PIP5K1B: variants seen among roughly 807,000 people sequenced by gnomAD.
The protein encoded by PIP5K1B is phosphatidylinositol 4-phosphate 5-kinase type-1 beta.
A neutral mutation model predicts 67.0 loss-of-function variants in PIP5K1B; 42 were observed. That is an observed-to-expected ratio of 0.63 (90% CI 0.49 to 0.81). PIP5K1B has a LOEUF of 0.81. Among genes scored for constraint, PIP5K1B ranks in the 30% least tolerant of loss-of-function variants. The probability of loss-of-function intolerance (pLI) is 0.00; values close to 1 mark genes in which losing one functional copy is unlikely to be tolerated. For synonymous variants in PIP5K1B, 214 were observed against 231.4 expected (o/e 0.92, Z 0.68); for missense variants, 459 against 646.3 (o/e 0.71, Z 3.14).
intron 5 of PIP5K1B, among the ~76,000 whole-genome samples, chr9:68,866,786 G>A (rs1823380044): frequency 6.6e-6 from 1 of 152,188 alleles, no homozygotes; most frequent in Non-Finnish European, 1.5e-5. Context: ...GGAATGTTCT[G>A]TGTGACTGAA....
At chr9:68,758,894 G>T (rs183029537) in intron 2 of PIP5K1B, among the ~76,000 whole-genome samples, 130 of 152,212 alleles carry the variant, frequency 8.5e-4, no homozygotes, top group Non-Finnish European at 1.4e-3. Context: ...GAGAAACAAT[G>T]ATTTGAATGA....
At chr9:68,958,693 G>C (rs1164105371) in intron 14 of PIP5K1B, among the ~76,000 whole-genome samples, 3 of 152,160 alleles carry the variant, frequency 2.0e-5, no homozygotes, top group African/African-American at 7.2e-5. Flanking sequence ...GGGCTCTGTG[G>C]AATGTTGCAT....
chr9:68,945,409 G>C (rs1275383725), intron 14 of PIP5K1B, among the ~76,000 whole-genome samples: 1 of 152,204 alleles, frequency 6.6e-6, no homozygotes, highest in African/African-American at 2.4e-5. Context: ...GCCTCCCAAA[G>C]TGCAGGGATT....
chr9:68,765,394 G>A (rs1271600799), intron 2 of PIP5K1B, among the ~76,000 whole-genome samples: 1 of 151,948 alleles, frequency 6.6e-6, no homozygotes. Context: ...TGAATTCTGT[G>A]TTCTAGCAAA....
At chr9:68,772,407 C>G (rs1830710239) in intron 2 of PIP5K1B, among the ~76,000 whole-genome samples, 1 of 152,150 alleles carries the variant, frequency 6.6e-6, no homozygotes, top group Non-Finnish European at 1.5e-5. Flanking sequence ...GACATGACAG[C>G]AGTAATTCAA....
chr9:68,988,444 GTTT>G (rs61373302), intron 14 of PIP5K1B, among the ~76,000 whole-genome samples: 102 of 109,996 alleles, frequency 9.3e-4, no homozygotes, highest in African/African-American at 3.2e-3. Context: ...TTTTTTTGGG[GTTT>G]TTTTTTTTTT....
chr9:68,773,127 C>T (rs1480048801), intron 2 of PIP5K1B, among the ~76,000 whole-genome samples: 1 of 152,162 alleles, frequency 6.6e-6, no homozygotes, highest in East Asian at 1.9e-4. Context: ...TTAAGATTCC[C>T]AAACACCCAC....
At chr9:68,979,771 G>A (rs1829808354) in intron 14 of PIP5K1B, among the ~76,000 whole-genome samples, 5 of 152,192 alleles carry the variant, frequency 3.3e-5, no homozygotes, top group East Asian at 1.9e-4. Context: ...TGCTCACTGC[G>A]GGGAGGGGAG....
At chr9:68,956,924 C>T (rs1023273420) in intron 14 of PIP5K1B, among the ~76,000 whole-genome samples, 3 of 152,068 alleles carry the variant, frequency 2.0e-5, no homozygotes, top group African/African-American at 7.2e-5. Context: ...TCTGTGTTCC[C>T]CAGAGGGCAG....
intron 14 of PIP5K1B, chr9:68,966,575 G>A (rs1829043795): frequency 6.6e-6 from 1 of 152,162 alleles, no homozygotes; most frequent in Admixed American, 6.6e-5. Context: ...CTTCAGAACT[G>A]TCAAGGTCAT....
At chr9:68,889,256 G>A in intron 7 of PIP5K1B, 123 bp downstream of exon 7, 1 of 695,462 alleles carries the variant, frequency 1.4e-6, no homozygotes, top group Non-Finnish European at 2.4e-6. Flanking sequence ...GCTTTATTCT[G>A]CATTTAAATT....
At chr9:68,956,964 A>G (rs1828429670) in intron 14 of PIP5K1B, among the ~76,000 whole-genome samples, 1 of 152,166 alleles carries the variant, frequency 6.6e-6, no homozygotes, top group African/African-American at 2.4e-5. Context: ...TGTGATTGTC[A>G]TGACACAAAA....
At position 69,008,583 on chromosome 9, in the gene PIP5K1B, T is replaced by A; in HGVS notation, c.*134T>A. On this transcript the variant is annotated 3_prime_UTR_variant, in exon 16 of 16. Coordinates refer to ENST00000265382, the MANE Select transcript of PIP5K1B (RefSeq NM_003558.4). Reference sequence around the variant, plus strand: ...ACACAGAGAAATCATCAACCTGACTTAAGAGTTTTCAAGATGTCAACTTCA... The same window carrying A: ...ACACAGAGAAATCATCAACCTGACTAAAGAGTTTTCAAGATGTCAACTTCA... 1 of 862,166 alleles carries A rather than the reference T, an allele frequency of 1.2e-6. No individual in the cohort carries two copies. Among genetic ancestry groups the A allele is most frequent in the Non-Finnish European group, 2.0e-6 (1 of 506,832 alleles). 53.4% of individuals were successfully genotyped at this position (862,166 alleles called of 1,614,324 possible).
At chr9:68,725,631 TC>T (rs1427924487) in intron 1 of PIP5K1B, among the ~76,000 whole-genome samples, 3 of 152,144 alleles carry the variant, frequency 2.0e-5, no homozygotes, top group African/African-American at 7.2e-5. Flanking sequence ...TGATTAGAGT[TC>T]CAGAATTTAA....
chr9:68,805,689 G>A (rs769674666), intron 2 of PIP5K1B, among the ~76,000 whole-genome samples: 4 of 152,280 alleles, frequency 2.6e-5, no homozygotes, highest in Admixed American at 6.5e-5. Flanking sequence ...TCACATTAGG[G>A]TGTGGCTCTC....
At chr9:68,859,044 T>C (rs1822922862) in intron 4 of PIP5K1B, among the ~76,000 whole-genome samples, 2 of 152,224 alleles carry the variant, frequency 1.3e-5, no homozygotes, top group Non-Finnish European at 1.5e-5. Context: ...AAAGCAAAAT[T>C]GTAGAATGCC....
At chr9:68,784,200 A>G (rs1831476274) in intron 2 of PIP5K1B, 1 of 167,128 alleles carries the variant, frequency 6.0e-6, no homozygotes, top group Non-Finnish European at 1.5e-5. Context: ...TATTCTGTAG[A>G]CTGTAAGGGC....
chr9:68,862,324 T>C (rs909599455), intron 4 of PIP5K1B, among the ~76,000 whole-genome samples: 1 of 152,164 alleles, frequency 6.6e-6, no homozygotes, highest in Non-Finnish European at 1.5e-5. Flanking sequence ...CCCAATTGAT[T>C]GAAAAGAATC....
chr9:68,766,199 A>G (rs1830419020), intron 2 of PIP5K1B, among the ~76,000 whole-genome samples: 1 of 152,160 alleles, frequency 6.6e-6, no homozygotes, highest in African/African-American at 2.4e-5. Flanking sequence ...ATCTATAACA[A>G]AATGTTAACA....
Sources: allele counts gnomAD v4.1 joint callset (sites outside exome capture counted in the v4.1 genomes callset), GRCh38; gene constraint gnomAD v4.1.1; transcripts MANE v1.5; gene names NCBI Gene and HGNC (gene_info 2026-07-23, HGNC 2026-07-21).